ERI1: variants seen among roughly 807,000 people sequenced by gnomAD.
ERI1 encodes the protein 3'-5' exoribonuclease 1.
ERI1 carries 39 observed loss-of-function variants against 39.7 expected under a neutral mutation model. The observed-to-expected ratio is 0.98, with a 90% CI of 0.76 to 1.28. The LOEUF (loss-of-function observed/expected upper bound fraction) is 1.28, where lower values mean the gene tolerates loss of function less well. ERI1 is among the 50% of genes most tolerant of loss of function. ERI1 has a pLI of 0.00. For synonymous variants in ERI1, 204 were observed against 149.6 expected (o/e 1.36, Z -2.65); for missense variants, 581 against 416.9 (o/e 1.39, Z -3.43).
intron 3 of ERI1, among the ~76,000 whole-genome samples, chr8:9,089,245 C>G (rs1407326136): frequency 6.6e-6 from 1 of 152,152 alleles, no homozygotes; most frequent in Admixed American, 6.5e-5. Flanking sequence ...CCAGACCATT[C>G]TCACCTTCTT....
At chr8:9,070,617 G>C (rs192216920) in intron 3 of ERI1, among the ~76,000 whole-genome samples, 35 of 152,292 alleles carry the variant, frequency 2.3e-4, no homozygotes, top group Admixed American at 2.2e-3. Flanking sequence ...TTCACCCACG[G>C]AACATTCCTA....
chr8:9,045,235 CAAAA>C (rs5889258), intron 3 of ERI1, among the ~76,000 whole-genome samples: 8 of 75,652 alleles, frequency 1.1e-4, no homozygotes, highest in East Asian at 7.8e-4. Context: ...GACTCTGTCT[CAAAA>C]AAAAAAAAAA....
intron 6 of ERI1, 109 bp downstream of exon 6, chr8:9,020,573 T>C (rs78525593): frequency 1.5e-6 from 1 of 668,008 alleles, no homozygotes; most frequent in Non-Finnish European, 2.5e-6. Context: ...AAAAAAGCCA[T>C]ATAATTAGTT....
At chr8:9,008,785 C>G (rs1310948443) in intron 2 of ERI1, among the ~76,000 whole-genome samples, 2 of 152,032 alleles carry the variant, frequency 1.3e-5, no homozygotes, top group Non-Finnish European at 1.5e-5. Context: ...CAGAAAAATA[C>G]ATCGATTTTT....
intron 3 of ERI1, among the ~76,000 whole-genome samples, chr8:9,076,789 T>G (rs1429362540): frequency 1.3e-5 from 2 of 152,184 alleles, no homozygotes; most frequent in Admixed American, 6.5e-5. Context: ...CAAGAATCTT[T>G]AGGGGGAAGC....
Position 9,099,824 on chromosome 8 carries a change from T to C in ERI1, n.300-16524T>C, listed in dbSNP as rs1261289091. ...CCGCAGTCTTTGCTAACGGTATTGG[T>C]ATTATGGACACATGCTTTCATTTCT... On this transcript the variant is annotated intron_variant and non_coding_transcript_variant, in intron 3 of 3. Transcript: ENST00000518663. 11 of 152,138 alleles carry C rather than the reference T, an allele frequency of 7.2e-5. No individual in the cohort carries two copies. In the East Asian group the frequency reaches 2.1e-3, roughly 29 times the overall value. 9.4% of individuals were successfully genotyped at this position (152,138 alleles called of 1,614,324 possible).
chr8:9,068,111 G>A (rs191640948), intron 3 of ERI1, among the ~76,000 whole-genome samples: 2 of 152,214 alleles, frequency 1.3e-5, no homozygotes, highest in East Asian at 1.9e-4. Context: ...ATCTAATCCA[G>A]AATTGCTTTT....
At chr8:9,050,691 A>G (rs960582000) in intron 3 of ERI1, among the ~76,000 whole-genome samples, 5 of 152,186 alleles carry the variant, frequency 3.3e-5, no homozygotes, top group African/African-American at 1.2e-4. Context: ...AATTGTCCCT[A>G]AAATGAGTCA....
chr8:9,093,607 A>T (rs890877367), intron 3 of ERI1, among the ~76,000 whole-genome samples: 10 of 152,084 alleles, frequency 6.6e-5, no homozygotes, highest in African/African-American at 2.4e-4. Context: ...TCACTCTGTC[A>T]CCCAGGCTGG....
intron 6 of ERI1, among the ~76,000 whole-genome samples, chr8:9,021,203 AT>A (rs1817854985): frequency 1.3e-5 from 2 of 152,128 alleles, no homozygotes; most frequent in South Asian, 4.1e-4. Context: ...TTGTTTACTT[AT>A]CCCCTTACTC....
chr8:9,039,639 A>T (rs377665603), intron 3 of ERI1, among the ~76,000 whole-genome samples: 1 of 152,244 alleles, frequency 6.6e-6, no homozygotes, highest in African/African-American at 2.4e-5. Context: ...GTGTGTACGT[A>T]TATTGAACTA....
chr8:9,044,711 G>A (rs957393336), intron 3 of ERI1, among the ~76,000 whole-genome samples: 17 of 152,148 alleles, frequency 1.1e-4, no homozygotes, highest in African/African-American at 4.1e-4. Flanking sequence ...GACACAGCAT[G>A]TTGAAGAAAC....
intron 3 of ERI1, among the ~76,000 whole-genome samples, chr8:9,039,921 C>T (rs548779920): frequency 6.6e-6 from 1 of 151,906 alleles, no homozygotes; most frequent in East Asian, 1.9e-4. Flanking sequence ...GCAGTTTTGT[C>T]TATAGGTTTT....
At chr8:9,040,316 C>G (rs559425686) in intron 3 of ERI1, among the ~76,000 whole-genome samples, 3 of 152,164 alleles carry the variant, frequency 2.0e-5, no homozygotes, top group African/African-American at 2.4e-5. Flanking sequence ...TCCCCTTTTA[C>G]GGAAGTTTAG....
At chr8:9,033,551 G>A (rs1390853914), downstream of ERI1, among the ~76,000 whole-genome samples, 2 of 129,630 alleles carry the variant, frequency 1.5e-5, no homozygotes, top group Non-Finnish European at 3.3e-5. Flanking sequence ...TGTGATGAGA[G>A]CGTAGAGCTG....
At chr8:9,077,433 G>C (rs1233366698) in intron 3 of ERI1, among the ~76,000 whole-genome samples, 2 of 152,166 alleles carry the variant, frequency 1.3e-5, no homozygotes, top group Non-Finnish European at 2.9e-5. Flanking sequence ...AATTTATCAT[G>C]TGCCTATGTG....
At chr8:9,057,681 T>G (rs960506029) in intron 3 of ERI1, among the ~76,000 whole-genome samples, 2 of 145,134 alleles carry the variant, frequency 1.4e-5, no homozygotes, top group African/African-American at 4.9e-5. Flanking sequence ...GTAAACATCC[T>G]TAAGTCTGTT....
intron 6 of ERI1, among the ~76,000 whole-genome samples, chr8:9,027,136 G>GTGTGTGTGT (rs1797222699): frequency 7.3e-6 from 1 of 137,502 alleles, no homozygotes; most frequent in Non-Finnish European, 1.5e-5. Context: ...GTTATTTTCT[G>GTGTGTGTGT]GTGTGTGTGT....
intron 3 of ERI1, among the ~76,000 whole-genome samples, chr8:9,059,991 G>A (rs1282401159): frequency 6.6e-6 from 1 of 152,320 alleles, no homozygotes; most frequent in Middle Eastern, 3.4e-3. Context: ...GTAGCATTCC[G>A]AGGACAGGCC....
Sources: gnomAD v4.1 joint callset for allele counts (sites outside exome capture counted in the v4.1 genomes callset) on GRCh38, gnomAD v4.1.1 for gene constraint, MANE v1.5 for transcripts, NCBI Gene and HGNC (gene_info 2026-07-23, HGNC 2026-07-21) for gene names.